The following NPAS3 variants were observed in gnomAD, a reference collection of about 807,000 sequenced individuals.
NPAS3 encodes neuronal PAS domain-containing protein 3.
NPAS3 carries 14 observed loss-of-function variants against 73.1 expected under a neutral mutation model. That is an observed-to-expected ratio of 0.19 (90% CI 0.13 to 0.30). NPAS3 has a LOEUF of 0.30. Among genes scored for constraint, NPAS3 ranks in the 10% least tolerant of loss-of-function variants. The pLI is 1.00. For synonymous variants in NPAS3, 620 were observed against 541.5 expected (o/e 1.14, Z -2.01); for missense variants, 1,096 against 1,250.0 (o/e 0.88, Z 1.86).
intron 4 of NPAS3, among the ~76,000 whole-genome samples, chr14:33,375,563 G>A (rs1001345940): frequency 6.6e-6 from 1 of 152,018 alleles, no homozygotes; most frequent in African/African-American, 2.4e-5. Context: ...ACAAAAAAGA[G>A]GAACACACCT....
intron 2 of NPAS3, among the ~76,000 whole-genome samples, chr14:33,089,054 CAG>C (rs2042132217): frequency 1.5e-5 from 1 of 64,718 alleles, no homozygotes; most frequent in African/African-American, 1.1e-4. Flanking sequence ...GAGGAAGAAA[CAG>C]AGCAGAAAAG....
At chr14:33,631,756 G>A (rs564228895) in intron 5 of NPAS3, among the ~76,000 whole-genome samples, 1 of 152,012 alleles carries the variant, frequency 6.6e-6, no homozygotes, top group Non-Finnish European at 1.5e-5. Flanking sequence ...TTTTAATGTT[G>A]GTCTTCCACT....
chr14:32,938,467 G>GAGAGAGAGAGAAAT (rs1566779135), upstream of NPAS3, among the ~76,000 whole-genome samples: 4 of 124,022 alleles, frequency 3.2e-5, no homozygotes, highest in Non-Finnish European at 3.5e-5. Flanking sequence ...AAGAGAGAGA[G>GAGAGAGAGAGAAAT]AGAGAGAGAG....
chr14:33,653,931 G>T (rs569662288), intron 5 of NPAS3, among the ~76,000 whole-genome samples: 1 of 152,082 alleles, frequency 6.6e-6, no homozygotes, highest in Non-Finnish European at 1.5e-5. Flanking sequence ...GATTTTCCTC[G>T]TAACTCACTG....
chr14:32,937,256 C>G (rs2035725061), upstream of NPAS3, among the ~76,000 whole-genome samples: 1 of 152,012 alleles, frequency 6.6e-6, no homozygotes, highest in African/African-American at 2.4e-5. Flanking sequence ...GGATTTGTTT[C>G]CATCTGGATT....
At chr14:33,028,439 G>A (rs368897510) in intron 1 of NPAS3, among the ~76,000 whole-genome samples, 7 of 152,190 alleles carry the variant, frequency 4.6e-5, no homozygotes, top group African/African-American at 1.7e-4. Flanking sequence ...AAAATAACAA[G>A]TGAGTGAATG....
intron 2 of NPAS3, among the ~76,000 whole-genome samples, chr14:33,139,109 C>G (rs1382355470): frequency 6.6e-6 from 1 of 152,124 alleles, no homozygotes; most frequent in Non-Finnish European, 1.5e-5. Flanking sequence ...GGGTGTCTGT[C>G]TAGATGAGTA....
intron 5 of NPAS3, among the ~76,000 whole-genome samples, chr14:33,650,764 C>A (rs2058969198): frequency 6.6e-6 from 1 of 151,970 alleles, no homozygotes; most frequent in Admixed American, 6.6e-5. Context: ...CTCTCTCTCT[C>A]ATTCTGTGCT....
intron 4 of NPAS3, among the ~76,000 whole-genome samples, chr14:33,543,975 A>ATC (rs1566988475): frequency 1.4e-4 from 5 of 34,708 alleles, no homozygotes; most frequent in African/African-American, 1.2e-3. Flanking sequence ...ATATATATAT[A>ATC]TATATATATA....
chr14:33,198,073 G>A (rs764926054), intron 2 of NPAS3, among the ~76,000 whole-genome samples: 10 of 95,892 alleles, frequency 1.0e-4, no homozygotes, highest in Non-Finnish European at 1.8e-4. Context: ...TGTTCCTCCC[G>A]TCCAGAGTTG....
intron 1 of NPAS3, among the ~76,000 whole-genome samples, chr14:32,957,777 A>C (rs2036739198): frequency 6.6e-6 from 1 of 152,132 alleles, no homozygotes; most frequent in Non-Finnish European, 1.5e-5. Context: ...TTACTCCCTT[A>C]TCCTTTGGAC....
intron 2 of NPAS3, among the ~76,000 whole-genome samples, chr14:33,174,684 A>C (rs1468048685): frequency 6.6e-6 from 1 of 152,174 alleles, no homozygotes; most frequent in Admixed American, 6.5e-5. Flanking sequence ...TGATCTTTAG[A>C]GATAAGTCAG....
At chr14:33,571,773 A>G (rs1340567283) in intron 5 of NPAS3, among the ~76,000 whole-genome samples, 1 of 152,234 alleles carries the variant, frequency 6.6e-6, no homozygotes, top group Non-Finnish European at 1.5e-5. Context: ...TTTTGAAATT[A>G]GTTTCCCTTG....
chr14:33,249,551 C>G (rs2048506132), intron 3 of NPAS3, among the ~76,000 whole-genome samples: 1 of 151,990 alleles, frequency 6.6e-6, no homozygotes. Context: ...CTCTATGCAC[C>G]TCTATTGTTT....
chr14:33,183,219 A>G (rs1194677056), intron 2 of NPAS3, among the ~76,000 whole-genome samples: 1 of 152,070 alleles, frequency 6.6e-6, no homozygotes, highest in Non-Finnish European at 1.5e-5. Context: ...TGAGGTCAGG[A>G]GTTCAAGAAC....
intron 3 of NPAS3, among the ~76,000 whole-genome samples, chr14:33,250,829 A>G (rs1213424080): frequency 6.6e-6 from 1 of 152,068 alleles, no homozygotes; most frequent in African/African-American, 2.4e-5. Context: ...TTTCCTCTCC[A>G]AAAATTCATG....
intron 1 of NPAS3, among the ~76,000 whole-genome samples, chr14:33,006,009 C>T (rs144255962): frequency 4.8e-4 from 73 of 152,246 alleles, no homozygotes; most frequent in African/African-American, 1.7e-3. Flanking sequence ...GACCAGAAGG[C>T]GGGGAGCCAT....
chr14:33,794,485 T>C (rs1378706401), intron 10 of NPAS3, among the ~76,000 whole-genome samples: 1 of 152,196 alleles, frequency 6.6e-6, no homozygotes, highest in South Asian at 2.1e-4. Flanking sequence ...ATTCCTCTTA[T>C]ATTTCTTCCC....
chr14:33,477,974 A>T (rs116315978), intron 4 of NPAS3, among the ~76,000 whole-genome samples: 2,220 of 152,264 alleles, frequency 0.015, 59 homozygotes, highest in African/African-American at 0.05. Context: ...TGAGGCTTGC[A>T]GCTGAGCCAA....
Sources: gnomAD v4.1 joint callset for allele counts (sites outside exome capture counted in the v4.1 genomes callset) on GRCh38, gnomAD v4.1.1 for gene constraint, MANE v1.5 for transcripts, NCBI Gene and HGNC (gene_info 2026-07-23, HGNC 2026-07-21) for gene names.